HLA-DPB1: variants seen among roughly 807,000 people sequenced by gnomAD.
The protein encoded by HLA-DPB1 is HLA class II histocompatibility antigen, DP beta 1 chain.
In HLA-DPB1, 30 loss-of-function variants were observed where a neutral mutation model predicts 29.4. The ratio of observed to expected loss-of-function variants is 1.02; its 90% CI spans 0.76 to 1.38. The LOEUF (loss-of-function observed/expected upper bound fraction) is 1.38, where lower values mean the gene tolerates loss of function less well. HLA-DPB1 is among the 40% of genes most tolerant of loss of function. The pLI is 0.00. For synonymous variants in HLA-DPB1, 114 were observed against 134.0 expected (o/e 0.85, Z 1.03); for missense variants, 261 against 327.5 (o/e 0.80, Z 1.57).
At chr6:33,079,332 A>C (rs1762715562) in intron 1 of HLA-DPB1, 1 of 182,064 alleles carries the variant, frequency 5.5e-6, no homozygotes, top group Non-Finnish European at 1.1e-5. Context: ...TGCTCATGGC[A>C]CTCCCTAGGA....
intron 2 of HLA-DPB1, chr6:33,081,950 A>C (rs7771721): frequency 1.3e-5 from 2 of 151,622 alleles, no homozygotes; most frequent in African/African-American, 4.9e-5. Flanking sequence ...CACCAACCTG[A>C]GGGACTTGAG....
intron 1 of HLA-DPB1, chr6:33,079,598 A>C: frequency 4.5e-6 from 2 of 448,566 alleles, no homozygotes; most frequent in Non-Finnish European, 8.7e-6. Context: ...TAGAAGGTCC[A>C]AGGGCCAGAT....
chr6:33,086,404 T>C, intron 5 of HLA-DPB1, 135 bp from the exon 6 acceptor site: 1 of 747,518 alleles, frequency 1.3e-6, no homozygotes, highest in Non-Finnish European at 2.5e-6. Context: ...ATTGCTTGGC[T>C]CCATTGCTGA....
rs1347540277 is a variant in HLA-DPB1 at position 33,086,556 on chromosome 6, A to G, written c.*22A>G. The G allele has an allele frequency of 1.6e-6, 1 of 626,074 alleles. No homozygotes were observed. The highest frequency in any genetic ancestry group is 2.1e-5 in the Admixed American group (1 of 46,668). 38.8% of individuals were successfully genotyped at this position (626,074 alleles called of 1,614,324 possible). ...CCCCACAGGGTTCCTGAGCTCACTGAAAAGACTATTGTGCCTTAGGAAAAG... is the reference window on the plus strand; with the variant it reads ...CCCCACAGGGTTCCTGAGCTCACTGGAAAGACTATTGTGCCTTAGGAAAAG... On this transcript the variant is annotated 3_prime_UTR_variant, in exon 6 of 6. Transcript: ENST00000418931.
chr6:33,086,579 A>ACC lies in HLA-DPB1; in HGVS notation c.*45_*46insCC. The ACC allele has an allele frequency of 1.7e-6, 1 of 582,756 alleles. No homozygotes were observed. The highest frequency in any genetic ancestry group is 3.3e-6 in the Non-Finnish European group (1 of 306,834). The allele number at this position is 582,756 out of a possible 1,614,324, so 36.1% of individuals were successfully genotyped here. A position where few individuals can be genotyped will look rare whatever the true frequency, so the allele number is the denominator to read the frequency against. On this transcript the variant is annotated 3_prime_UTR_variant, in exon 6 of 6. Coordinates refer to ENST00000418931, the MANE Select transcript of HLA-DPB1 (RefSeq NM_002121.6). ...TGAAAAGACTATTGTGCCTTAGGAA[A>ACC]AGCATTTGCTGTGTTTCGTTAGCAT...
chr6:33,088,984 A>G lies in HLA-DPB1; in HGVS notation c.*2450A>G, dbSNP rs1763236657. ...AACGAGAAGGTGGTCCACCCAACAG[A>G]CAACACTGCCTCAGATGGTTATCAA... is the stretch of plus-strand genomic sequence containing the variant. On this transcript the variant is annotated 3_prime_UTR_variant, in exon 6 of 6. Coordinates refer to ENST00000418931, the MANE Select transcript of HLA-DPB1 (RefSeq NM_002121.6). Among the ~76,000 whole-genome samples, 1 of 151,996 alleles carries G rather than the reference A, an allele frequency of 6.6e-6. No homozygotes were observed. Among genetic ancestry groups the G allele is most frequent in the Admixed American group, 6.5e-5 (1 of 15,272 alleles).
At chr6:33,076,448 A>G (rs1762543726) in intron 1 of HLA-DPB1, among the ~76,000 whole-genome samples, 2 of 152,134 alleles carry the variant, frequency 1.3e-5, no homozygotes, top group African/African-American at 4.8e-5. Context: ...CAGAGAGAGA[A>G]GTTGGCAAGT....
chr6:33,077,762 C>G (rs1762619932), intron 1 of HLA-DPB1, among the ~76,000 whole-genome samples: 2 of 152,060 alleles, frequency 1.3e-5, no homozygotes, highest in Admixed American at 1.3e-4. Flanking sequence ...CTCTCCACAC[C>G]CCTCCTAGGA....
chr6:33,082,658 A>G (rs2150375296), intron 2 of HLA-DPB1, among the ~76,000 whole-genome samples: 1 of 152,298 alleles, frequency 6.6e-6, no homozygotes, highest in Middle Eastern at 3.4e-3. Context: ...GGAAATTGCA[A>G]TCAAGGCATG....
rs115634183 is a variant in HLA-DPB1 at position 33,076,604 on chromosome 6, G to T, written c.100+463G>T. Among the ~76,000 whole-genome samples the T allele has an allele frequency of 8.8e-3, 1,347 of 152,292 alleles. 22 individuals carry two copies. The highest frequency in any genetic ancestry group is 0.031 in the African/African-American group (1,284 of 41,550). On this transcript the variant is annotated intron_variant, in intron 1 of 5. Coordinates refer to ENST00000418931, the MANE Select transcript of HLA-DPB1 (RefSeq NM_002121.6). ...TCTTATTCCCCAGGGTGGAGCAGGA[G>T]CCCACATCCCTTGGACAATTAAGGA...
chr6:33,086,637 T>A lies in HLA-DPB1; in HGVS notation c.*103T>A, dbSNP rs1042516. On this transcript the variant is annotated 3_prime_UTR_variant, in exon 6 of 6. Transcript: ENST00000418931. Reference sequence around the variant, plus strand: ...CAGGACAGACCTTCAACTTCCAAATTGGATACTGCTGCCAAGAAGTTGCTC... The same window carrying A: ...CAGGACAGACCTTCAACTTCCAAATAGGATACTGCTGCCAAGAAGTTGCTC... 0.2 allele frequency: 84,257 copies of A among 430,776 alleles called. 17,577 individuals are homozygous for A. Among genetic ancestry groups the A allele is most frequent in the African/African-American group, 0.52 (24,100 of 46,050 alleles). The allele number at this position is 430,776 out of a possible 1,614,324, so 26.7% of individuals were successfully genotyped here. A position where few individuals can be genotyped will look rare whatever the true frequency, so the allele number is the denominator to read the frequency against.
At position 33,084,960 on chromosome 6, in the gene HLA-DPB1, G is replaced by C. The variant is rs754366191; in HGVS notation, c.375G>C (p.Arg125Ser). The C allele has an allele frequency of 1.9e-6, 3 of 1,575,970 alleles. 1 individual carries two copies. The South Asian group carries it at 3.3e-5, about 17-fold the overall frequency. ...PMTLQRRVQPRVNVSPSKKGP... is the reference protein window; with the variant it reads ...PMTLQRRVQPSVNVSPSKKGP... ...CTTCCACGCTCCTAGTCCAGCCTAG[G>C]GTGAATGTTTCCCCCTCCAAGAAGG... is the stretch of plus-strand genomic sequence containing the variant. The change falls in exon 3 of 6, where the codon AGG (arginine) becomes AGC (serine). Residue 125 changes from arginine (R) to serine (S), a missense_variant. Transcript: ENST00000418931.
At position 33,087,402 on chromosome 6, in the gene HLA-DPB1, A is replaced by G. The variant is rs1583133095; in HGVS notation, c.*868A>G. Among the ~76,000 whole-genome samples, 1 of 137,108 alleles carries G rather than the reference A, an allele frequency of 7.3e-6. No individual in the cohort carries two copies. The highest frequency in any genetic ancestry group is 3.0e-5 in the African/African-American group (1 of 33,812). 89.9% of individuals were successfully genotyped at this position (137,108 alleles called of 152,430 possible). A position where few individuals can be genotyped will look rare whatever the true frequency, so the allele number is the denominator to read the frequency against. On this transcript the variant is annotated 3_prime_UTR_variant, in exon 6 of 6. Coordinates refer to ENST00000418931, the MANE Select transcript of HLA-DPB1 (RefSeq NM_002121.6). ...ATACATGTAGCACTCTTTTTCAAACACTGGTCTTTTTTTTTTTCTTAACAA... is the reference window on the plus strand; with the variant it reads ...ATACATGTAGCACTCTTTTTCAAACGCTGGTCTTTTTTTTTTTCTTAACAA...
chr6:33,085,927 C>T (rs1763075698), intron 4 of HLA-DPB1, 38 bp downstream of exon 4: 6 of 1,348,406 alleles, frequency 4.4e-6, no homozygotes, highest in Non-Finnish European at 6.3e-6. Context: ...CTTACCTTCC[C>T]CTGGCATATT....
chr6:33,081,497 A>T (rs2856827), intron 2 of HLA-DPB1, among the ~76,000 whole-genome samples: 11,450 of 152,194 alleles, frequency 0.075, 633 homozygotes, highest in African/African-American at 0.15. Flanking sequence ...AAGAGACCAA[A>T]AAAACCCAAG....
In HLA-DPB1 at chr6:33,086,965, G is replaced by A; in HGVS notation, c.*431G>A. ...GTTACACATGACACTCTTCTGAATT[G>A]ACTGTATTTCAGTGAGCTGCCCCCA... On this transcript the variant is annotated 3_prime_UTR_variant, in exon 6 of 6. Transcript: ENST00000418931. 4.5e-6 allele frequency: 1 copy of A among 219,872 alleles called. No homozygotes were observed. Among genetic ancestry groups the A allele is most frequent in the South Asian group, 6.6e-5 (1 of 15,060 alleles). 13.6% of individuals were successfully genotyped at this position (219,872 alleles called of 1,614,324 possible). A position where few individuals can be genotyped will look rare whatever the true frequency, so the allele number is the denominator to read the frequency against.
At chr6:33,081,454 G>A (rs1300318140) in intron 2 of HLA-DPB1, among the ~76,000 whole-genome samples, 3 of 152,110 alleles carry the variant, frequency 2.0e-5, no homozygotes, top group Non-Finnish European at 4.4e-5. Context: ...GAACTGGACA[G>A]TTGTGATTTG....
At chr6:33,085,959 GGT>G (rs879317257) in intron 4 of HLA-DPB1, 70 bp downstream of exon 4, 250,402 of 1,044,410 alleles carry the variant, frequency 0.24, 33,950 homozygotes, top group East Asian at 0.59. Context: ...CACGATGAGG[GGT>G]TTGACAGAAA....
rs1763130533 is a variant in HLA-DPB1 at position 33,086,813 on chromosome 6, C to T, written c.*279C>T. 1.5e-5 allele frequency: 5 copies of T among 333,124 alleles called. No homozygotes were observed. Among genetic ancestry groups the T allele is most frequent in the Non-Finnish European group, 3.0e-5 (5 of 166,320 alleles). 20.6% of individuals were successfully genotyped at this position (333,124 alleles called of 1,614,324 possible). ...TTTAAAAATATGCACCAAATCATCTCTCATCACTTTTCTCTGAGGGTTTTA... is the reference window on the plus strand; with the variant it reads ...TTTAAAAATATGCACCAAATCATCTTTCATCACTTTTCTCTGAGGGTTTTA... On this transcript the variant is annotated 3_prime_UTR_variant, in exon 6 of 6. Transcript: ENST00000418931.
Sources: gnomAD v4.1 joint callset for allele counts (sites outside exome capture counted in the v4.1 genomes callset) on GRCh38, gnomAD v4.1.1 for gene constraint, MANE v1.5 for transcripts, NCBI Gene and HGNC (gene_info 2026-07-23, HGNC 2026-07-21) for gene names.